Variants in MACROD2 observed in about 807,000 individuals in gnomAD.
MACROD2 encodes ADP-ribose glycohydrolase MACROD2.
In MACROD2, 36 loss-of-function variants were observed where a neutral mutation model predicts 70.4. The observed-to-expected ratio is 0.51, with a 90% CI of 0.39 to 0.68. MACROD2 has a LOEUF of 0.68. MACROD2 is among the 30% of genes least tolerant of loss of function. The probability of loss-of-function intolerance (pLI) is 0.00; values close to 1 mark genes in which losing one functional copy is unlikely to be tolerated. For missense variants in MACROD2, 496 were observed against 538.4 expected, an observed-to-expected ratio of 0.92 and a Z score of 0.78; for synonymous variants, 172 against 178.8, an observed-to-expected ratio of 0.96 and a Z score of 0.30.
At chr20:14,892,415 C>T (rs2073773756) in intron 5 of MACROD2, among the ~76,000 whole-genome samples, 1 of 152,012 alleles carries the variant, frequency 6.6e-6, no homozygotes, top group Non-Finnish European at 1.5e-5. Context: ...GTGGAGGTGG[C>T]AGTGACATTG....
intron 5 of MACROD2, among the ~76,000 whole-genome samples, chr20:14,734,393 C>G (rs2071633535): frequency 6.6e-6 from 1 of 151,002 alleles, no homozygotes; most frequent in African/African-American, 2.4e-5. Context: ...CCCAGCTACT[C>G]AGGAGGCTGA....
chr20:14,927,168 C>T (rs1048259183), intron 5 of MACROD2, among the ~76,000 whole-genome samples: 5 of 151,816 alleles, frequency 3.3e-5, no homozygotes, highest in Admixed American at 6.6e-5. Flanking sequence ...AGATTGTCTT[C>T]GCTAAGAGCT....
At chr20:15,927,187 G>A (rs62194182) in intron 10 of MACROD2, among the ~76,000 whole-genome samples, 2,423 of 152,230 alleles carry the variant, frequency 0.016, 38 homozygotes, top group Non-Finnish European at 0.024. Context: ...CATCTGCCTA[G>A]AGAACTGAAA....
intron 6 of MACROD2, among the ~76,000 whole-genome samples, chr20:15,420,924 G>A (rs371728685): frequency 1.2e-4 from 18 of 152,000 alleles, no homozygotes; most frequent in African/African-American, 3.9e-4. Context: ...TCGTCTTTCC[G>A]AAAACTTAAA....
chr20:14,603,776 A>G (rs1242783452), intron 4 of MACROD2, among the ~76,000 whole-genome samples: 4 of 152,184 alleles, frequency 2.6e-5, no homozygotes, highest in Non-Finnish European at 5.9e-5. Context: ...ATTGAGCTAC[A>G]TGGACTTTAA....
chr20:14,715,403 T>C (rs1450162192), intron 5 of MACROD2, among the ~76,000 whole-genome samples: 1 of 152,194 alleles, frequency 6.6e-6, no homozygotes, highest in East Asian at 1.9e-4. Context: ...TTTGAAGGCC[T>C]CAGCTATTGG....
At chr20:14,851,438 T>C (rs1389733794) in intron 5 of MACROD2, among the ~76,000 whole-genome samples, 3 of 152,324 alleles carry the variant, frequency 2.0e-5, no homozygotes, top group Non-Finnish European at 2.9e-5. Flanking sequence ...CCTCTCACCC[T>C]GTTTACAGGT....
chr20:14,726,875 C>T (rs892557297), intron 5 of MACROD2, among the ~76,000 whole-genome samples: 1 of 152,114 alleles, frequency 6.6e-6, no homozygotes, highest in Non-Finnish European at 1.5e-5. Flanking sequence ...AAAAATCACA[C>T]ACATGATGTG....
At chr20:14,073,847 T>C (rs1397492494) in intron 2 of MACROD2, among the ~76,000 whole-genome samples, 1 of 152,224 alleles carries the variant, frequency 6.6e-6, no homozygotes, top group Non-Finnish European at 1.5e-5. Flanking sequence ...AATATGACTT[T>C]TTGAACAGCA....
intron 4 of MACROD2, among the ~76,000 whole-genome samples, chr20:14,535,138 G>A (rs898583253): frequency 2.6e-5 from 4 of 152,224 alleles, no homozygotes; most frequent in African/African-American, 4.8e-5. Context: ...ACTTGGTTTA[G>A]AGGATTGAAG....
intron 8 of MACROD2, among the ~76,000 whole-genome samples, chr20:15,805,201 G>A (rs2063758097): frequency 6.6e-6 from 1 of 152,194 alleles, no homozygotes; most frequent in Admixed American, 6.5e-5. Context: ...GTGTGGGTTA[G>A]CTGCAGATGT....
intron 8 of MACROD2, among the ~76,000 whole-genome samples, chr20:15,545,852 A>G (rs969981743): frequency 1.3e-5 from 2 of 152,248 alleles, no homozygotes; most frequent in African/African-American, 4.8e-5. Flanking sequence ...GATGGAGGGC[A>G]GGATGTAAGA....
chr20:14,852,003 A>G (rs1342051814), intron 5 of MACROD2, among the ~76,000 whole-genome samples: 1 of 152,178 alleles, frequency 6.6e-6, no homozygotes, highest in Non-Finnish European at 1.5e-5. Context: ...CAGAGGGGAC[A>G]TGTCAGAGAG....
chr20:15,302,309 T>G (rs1417225578), intron 6 of MACROD2, among the ~76,000 whole-genome samples: 1 of 152,042 alleles, frequency 6.6e-6, no homozygotes, highest in African/African-American at 2.4e-5. Flanking sequence ...ATCAGACAGA[T>G]CTGAACATAA....
At chr20:15,095,691 G>A (rs1364051984) in intron 5 of MACROD2, among the ~76,000 whole-genome samples, 1 of 151,584 alleles carries the variant, frequency 6.6e-6, no homozygotes, top group South Asian at 2.1e-4. Flanking sequence ...CTAATTTTTT[G>A]TATTTTTAGT....
chr20:14,170,614 T>C (rs932035651), intron 3 of MACROD2, among the ~76,000 whole-genome samples: 2 of 152,244 alleles, frequency 1.3e-5, no homozygotes, highest in Non-Finnish European at 2.9e-5. Flanking sequence ...ATGGGATTTT[T>C]GTTTTTAATT....
At chr20:14,506,550 G>T (rs181137646) in intron 4 of MACROD2, among the ~76,000 whole-genome samples, 57 of 152,158 alleles carry the variant, frequency 3.7e-4, no homozygotes, top group Non-Finnish European at 6.8e-4. Flanking sequence ...AGGCAAAGAT[G>T]TCAGAGACTG....
chr20:15,102,920 CA>C (rs759445913), intron 5 of MACROD2, among the ~76,000 whole-genome samples: 8 of 150,862 alleles, frequency 5.3e-5, no homozygotes, highest in African/African-American at 1.7e-4. Context: ...TGTGAGTTTG[CA>C]AAAAAAAGCA....
At chr20:15,593,434 A>G (rs1157779184) in intron 8 of MACROD2, among the ~76,000 whole-genome samples, 1 of 152,216 alleles carries the variant, frequency 6.6e-6, no homozygotes, top group Non-Finnish European at 1.5e-5. Context: ...CTGGTCTCCT[A>G]CTGAAAATAT....
Sources: allele counts gnomAD v4.1 joint callset (sites outside exome capture counted in the v4.1 genomes callset), GRCh38; gene constraint gnomAD v4.1.1; transcripts MANE v1.5; gene names NCBI Gene and HGNC (gene_info 2026-07-23, HGNC 2026-07-21).